Variants in NCALD observed in about 807,000 individuals in gnomAD.
NCALD encodes the protein neurocalcin delta, also known as neurocalcin-delta.
NCALD carries 10 observed loss-of-function variants against 18.6 expected under a neutral mutation model. That is an observed-to-expected ratio of 0.54 (90% CI 0.33 to 0.91). NCALD has a LOEUF of 0.91. Among genes scored for constraint, NCALD ranks in the 40% least tolerant of loss-of-function variants. The pLI, the probability that NCALD is intolerant of heterozygous loss-of-function variation, is 0.03. For synonymous variants in NCALD, 88 were observed against 87.4 expected, an observed-to-expected ratio of 1.01 and a Z score of -0.04; for missense variants, 184 against 247.6, an observed-to-expected ratio of 0.74 and a Z score of 1.72.
At chr8:101,789,016 C>T (rs192161517) in intron 1 of NCALD, 28 of 152,082 alleles carry the variant, frequency 1.8e-4, no homozygotes, top group African/African-American at 3.1e-4. Flanking sequence ...TATTTCATAC[C>T]GCTGAAATAT....
intron 1 of NCALD, among the ~76,000 whole-genome samples, chr8:101,765,083 T>A (rs1348734393): frequency 6.6e-6 from 1 of 152,184 alleles, no homozygotes; most frequent in Non-Finnish European, 1.5e-5. Context: ...GCAAAGAGAT[T>A]TGTATCCTTC....
intron 4 of NCALD, among the ~76,000 whole-genome samples, chr8:101,863,724 C>A (rs1255938891): frequency 6.6e-6 from 1 of 152,100 alleles, no homozygotes; most frequent in Non-Finnish European, 1.5e-5. Context: ...GGCTAGAAAG[C>A]TATGGGTGAG....
intron 3 of NCALD, among the ~76,000 whole-genome samples, chr8:101,895,207 A>C (rs1002407312): frequency 6.0e-5 from 9 of 149,702 alleles, no homozygotes; most frequent in East Asian, 3.9e-4. Context: ...GGCTGGTTCG[A>C]TATACGCAAA....
chr8:101,969,569 C>G (rs577994186), intron 2 of NCALD, among the ~76,000 whole-genome samples: 2 of 152,082 alleles, frequency 1.3e-5, no homozygotes, highest in East Asian at 1.9e-4. Flanking sequence ...AAGTAAAACC[C>G]AGGTCATCTG....
intron 1 of NCALD, among the ~76,000 whole-genome samples, chr8:102,116,710 G>T (rs909103723): frequency 2.6e-5 from 4 of 151,844 alleles, no homozygotes; most frequent in Admixed American, 2.6e-4. Context: ...GTCTCACCTT[G>T]TTGGCCAGGC....
intron 2 of NCALD, among the ~76,000 whole-genome samples, chr8:101,996,716 A>G (rs984513008): frequency 6.6e-6 from 1 of 152,242 alleles, no homozygotes; most frequent in Non-Finnish European, 1.5e-5. Context: ...TTTCAGAGCT[A>G]GAAGAGACAA....
chr8:101,943,731 G>C (rs902542059), intron 2 of NCALD, among the ~76,000 whole-genome samples: 1 of 152,156 alleles, frequency 6.6e-6, no homozygotes, highest in African/African-American at 2.4e-5. Context: ...GCAAGGTCAG[G>C]AGATCGAGAC....
intron 4 of NCALD, among the ~76,000 whole-genome samples, chr8:101,825,646 G>A (rs567803950): frequency 3.6e-4 from 55 of 152,274 alleles, no homozygotes; most frequent in African/African-American, 1.2e-3. Context: ...AATTCAGTCG[G>A]GTTCAGTCCT....
At chr8:102,116,645 A>AT (rs771900406) in intron 1 of NCALD, among the ~76,000 whole-genome samples, 7 of 151,698 alleles carry the variant, frequency 4.6e-5, no homozygotes, top group African/African-American at 7.3e-5. Flanking sequence ...AAGAGGCCTA[A>AT]TTTTTTTTCT....
At chr8:101,893,053 C>A (rs985617078) in intron 3 of NCALD, among the ~76,000 whole-genome samples, 1 of 150,062 alleles carries the variant, frequency 6.7e-6, no homozygotes, top group Non-Finnish European at 1.5e-5. Flanking sequence ...CTCCAAGACA[C>A]ATAATTGTCA....
intron 1 of NCALD, among the ~76,000 whole-genome samples, chr8:102,074,566 G>A (rs1587023191): frequency 2.0e-5 from 3 of 152,234 alleles, no homozygotes; most frequent in African/African-American, 7.2e-5. Context: ...CCCAAACCCA[G>A]ACTGATGACC....
At chr8:101,876,640 T>C (rs1304284424) in intron 4 of NCALD, among the ~76,000 whole-genome samples, 1 of 152,240 alleles carries the variant, frequency 6.6e-6, no homozygotes, top group East Asian at 1.9e-4. Flanking sequence ...AGCCACAGAC[T>C]AAGCATTTTG....
At chr8:101,723,763 T>C (rs1016599030) in intron 1 of NCALD, among the ~76,000 whole-genome samples, 8 of 152,186 alleles carry the variant, frequency 5.3e-5, no homozygotes, top group African/African-American at 1.9e-4. Context: ...CACAAATTCA[T>C]ACTATCTTAT....
At chr8:101,858,993 T>G (rs1464003160) in intron 4 of NCALD, among the ~76,000 whole-genome samples, 3 of 152,180 alleles carry the variant, frequency 2.0e-5, no homozygotes, top group Non-Finnish European at 4.4e-5. Flanking sequence ...GATTGAAGGA[T>G]GCAAAGTATC....
chr8:101,803,999 A>G (rs1812964959), intron 4 of NCALD, among the ~76,000 whole-genome samples: 2 of 152,046 alleles, frequency 1.3e-5, no homozygotes, highest in African/African-American at 4.8e-5. Flanking sequence ...GTCTTATTTT[A>G]AGAAATAGCC....
chr8:101,980,360 AAAG>A (rs1393597923), intron 2 of NCALD, among the ~76,000 whole-genome samples: 3 of 152,210 alleles, frequency 2.0e-5, no homozygotes, highest in African/African-American at 4.8e-5. Context: ...TTTAGCCCCC[AAAG>A]AAGAACTATG....
At chr8:102,085,595 A>C (rs1217804764) in intron 1 of NCALD, among the ~76,000 whole-genome samples, 1 of 38,128 alleles carries the variant, frequency 2.6e-5, no homozygotes, top group Non-Finnish European at 5.1e-5. Flanking sequence ...TCTCTACTAA[A>C]AATAAAAAAA....
intron 4 of NCALD, among the ~76,000 whole-genome samples, chr8:101,800,682 A>G (rs916486169): frequency 5.3e-5 from 8 of 151,578 alleles, no homozygotes; most frequent in African/African-American, 1.9e-4. Context: ...AAAGATAGAT[A>G]CATATATATC....
chr8:101,811,602 T>C (rs1052220083), intron 4 of NCALD, among the ~76,000 whole-genome samples: 1 of 152,184 alleles, frequency 6.6e-6, no homozygotes, highest in African/African-American at 2.4e-5. Flanking sequence ...CAAGACTTTA[T>C]GAAAGAAGCA....
Sources: gnomAD v4.1 joint callset for allele counts (sites outside exome capture counted in the v4.1 genomes callset) on GRCh38, gnomAD v4.1.1 for gene constraint, MANE v1.5 for transcripts, NCBI Gene and HGNC (gene_info 2026-07-23, HGNC 2026-07-21) for gene names.